ITGA4: variants seen among roughly 807,000 people sequenced by gnomAD.
The protein encoded by ITGA4 is integrin subunit alpha 4, also known as integrin alpha-4.
A neutral mutation model predicts 133.6 loss-of-function variants in ITGA4; 63 were observed. That is an observed-to-expected ratio of 0.47 (90% CI 0.38 to 0.58). The LOEUF is 0.58. ITGA4 is among the 20% of genes least tolerant of loss of function. The pLI is 0.00. For synonymous variants in ITGA4, 483 were observed against 438.0 expected (o/e 1.10, Z -1.28); for missense variants, 1,076 against 1,252.7 (o/e 0.86, Z 2.13).
At chr2:181,485,322 C>G (rs1437765687) in intron 9 of ITGA4, among the ~76,000 whole-genome samples, 2 of 152,154 alleles carry the variant, frequency 1.3e-5, no homozygotes, top group Non-Finnish European at 2.9e-5. Context: ...CTAGTTTTCT[C>G]TGTATATCAA....
At chr2:181,530,701 G>GA in intron 24 of ITGA4, 52 bp downstream of exon 24, 1 of 1,555,824 alleles carries the variant, frequency 6.4e-7, no homozygotes, top group African/African-American at 1.4e-5. Context: ...AGAGAAGTGA[G>GA]ACACTTAAAA....
At chr2:181,502,041 G>A (rs1426914274) in intron 15 of ITGA4, among the ~76,000 whole-genome samples, 5 of 151,238 alleles carry the variant, frequency 3.3e-5, no homozygotes, top group Non-Finnish European at 4.4e-5. Flanking sequence ...GAGATAAGAA[G>A]GTCCAATCAG....
chr2:181,535,306 G>A, intron 27 of ITGA4, 126 bp from the exon 28 acceptor site: 1 of 720,210 alleles, frequency 1.4e-6, no homozygotes, highest in Non-Finnish European at 2.2e-6. Context: ...AAACCTTTAT[G>A]ACTGATGTTA....
intron 2 of ITGA4, among the ~76,000 whole-genome samples, chr2:181,461,223 G>T (rs1276223887): frequency 6.8e-6 from 1 of 147,322 alleles, no homozygotes; most frequent in Non-Finnish European, 1.5e-5. Flanking sequence ...CAGGGTGAGA[G>T]ACGTTAGGCA....
chr2:181,510,567 G>T (rs151151472), intron 16 of ITGA4, among the ~76,000 whole-genome samples: 1 of 152,054 alleles, frequency 6.6e-6, no homozygotes, highest in East Asian at 1.9e-4. Context: ...AAGATGAAAG[G>T]GACATTTAAA....
intron 11 of ITGA4, 130 bp downstream of exon 11, chr2:181,493,549 C>A: frequency 1.9e-6 from 1 of 521,014 alleles, no homozygotes; most frequent in Non-Finnish European, 3.4e-6. Flanking sequence ...TCACCGTTTA[C>A]TTATAGTGGC....
In ITGA4 at chr2:181,509,815, TA is replaced by T. The variant is rs774260253; in HGVS notation, c.1845+9del. The T allele has an allele frequency of 1.3e-6, 2 of 1,584,090 alleles. No homozygotes were observed. Among genetic ancestry groups the T allele is most frequent in the African/African-American group, 2.7e-5 (2 of 73,734 alleles). The stretch of plus-strand genomic sequence containing the variant: ...GACATAATGAAAAAAACAGTAGGAA[TA>T]TTTTCCTTTATTCAAATTATTGTAT... On this transcript the variant is annotated intron_variant, in intron 16 of 27. Coordinates refer to ENST00000397033, the MANE Select transcript of ITGA4 (RefSeq NM_000885.6).
At chr2:181,535,293 G>A (rs1425537614) in intron 27 of ITGA4, 139 bp from the exon 28 acceptor site, 22 of 685,694 alleles carry the variant, frequency 3.2e-5, no homozygotes, top group Non-Finnish European at 5.1e-5. Flanking sequence ...GATTACCTCT[G>A]TTAAACCTTT....
intron 20 of ITGA4, 54 bp downstream of exon 20, chr2:181,524,304 G>T (rs185339832): frequency 4.0e-6 from 4 of 1,002,286 alleles, no homozygotes; most frequent in South Asian, 1.6e-5. Context: ...TATTCTGAGG[G>T]GGGGGAATTA....
In ITGA4 at chr2:181,537,660, T is replaced by TATTTCAGAATTATCTAGGTTAAA. The variant is rs1559064326; in HGVS notation, c.*2134_*2156dup. 1 of 435,000 alleles carries TATTTCAGAATTATCTAGGTTAAA rather than the reference T, an allele frequency of 2.3e-6. No individual in the cohort carries two copies. Among genetic ancestry groups the TATTTCAGAATTATCTAGGTTAAA allele is most frequent in the Non-Finnish European group, 4.5e-6 (1 of 220,340 alleles). The allele number at this position is 435,000 out of a possible 1,614,324, so 26.9% of individuals were successfully genotyped here. A position where few individuals can be genotyped will look rare whatever the true frequency, so the allele number is the denominator to read the frequency against. On this transcript the variant is annotated 3_prime_UTR_variant, in exon 28 of 28. Coordinates refer to ENST00000397033, the MANE Select transcript of ITGA4 (RefSeq NM_000885.6). ...TCCTGAAAAATGAAAGAATCCAAAT[T>TATTTCAGAATTATCTAGGTTAAA]ATTTCAGAATTATCTAGGTTAAATA...
chr2:181,521,913 G>A (rs1240267451), intron 17 of ITGA4, among the ~76,000 whole-genome samples: 16 of 152,136 alleles, frequency 1.1e-4, no homozygotes, highest in Admixed American at 9.8e-4. Context: ...GAAGCAAGAG[G>A]TTATGCAGAA....
At chr2:181,489,600 C>T (rs958146561) in intron 10 of ITGA4, among the ~76,000 whole-genome samples, 1 of 152,090 alleles carries the variant, frequency 6.6e-6, no homozygotes, top group Non-Finnish European at 1.5e-5. Flanking sequence ...ACAAGCTGTA[C>T]TATTATTTTG....
chr2:181,534,771 T>C (rs1471331696), intron 26 of ITGA4, 45 bp from the exon 27 acceptor site: 1 of 1,144,534 alleles, frequency 8.7e-7, no homozygotes, highest in African/African-American at 3.6e-5. Context: ...TTTAAACTGA[T>C]TTTTTTTTTT....
chr2:181,501,623 A>T (rs1686273132), intron 15 of ITGA4, among the ~76,000 whole-genome samples: 1 of 152,144 alleles, frequency 6.6e-6, no homozygotes, highest in African/African-American at 2.4e-5. Context: ...AGTTGAAGTC[A>T]ATTTGCTGAC....
intron 17 of ITGA4, among the ~76,000 whole-genome samples, chr2:181,519,286 CAAG>C (rs1364271063): frequency 6.6e-6 from 1 of 151,862 alleles, no homozygotes; most frequent in African/African-American, 2.4e-5. Flanking sequence ...TATTAAAAAT[CAAG>C]GAGGGTGAGG....
chr2:181,502,626 T>G (rs1686300490), intron 15 of ITGA4, among the ~76,000 whole-genome samples: 1 of 152,106 alleles, frequency 6.6e-6, no homozygotes, highest in Non-Finnish European at 1.5e-5. Flanking sequence ...TTTAATAATC[T>G]CAGTGAACTA....
intron 4 of ITGA4, among the ~76,000 whole-genome samples, chr2:181,476,740 G>A (rs1304789098): frequency 6.6e-6 from 1 of 152,076 alleles, no homozygotes; most frequent in Non-Finnish European, 1.5e-5. Context: ...ATGTTGGATT[G>A]GATAAAGAAA....
rs747368642 is a variant in ITGA4, at chr2:181,534,311, G to C, written c.2824G>C (p.Gly942Arg). The C allele has an allele frequency of 6.2e-7, 1 of 1,611,760 alleles. No individual in the cohort carries two copies. Among genetic ancestry groups the C allele is most frequent in the East Asian group, 2.2e-5 (1 of 44,762 alleles). Residue 942 changes from glycine to arginine, a missense_variant, in exon 26 of 28, where the codon GGT becomes CGT. Gly to Arg is a moderately radical substitution (Grantham distance 125, BLOSUM62 -2). Transcript: ENST00000397033. ...ACTCAAGTTTGAAATAAGAGCAACA[G>C]GTTTTCCAGAGCCAAATCCAAGAGT... ...SALKFEIRAT[G>R]FPEPNPRVIE...
At chr2:181,490,565 G>A (rs1374432151) in intron 10 of ITGA4, among the ~76,000 whole-genome samples, 2 of 151,254 alleles carry the variant, frequency 1.3e-5, no homozygotes, top group African/African-American at 4.9e-5. Flanking sequence ...CACAGAACAG[G>A]AATTGGTATT....
Sources: gnomAD v4.1 joint callset for allele counts (sites outside exome capture counted in the v4.1 genomes callset) on GRCh38, gnomAD v4.1.1 for gene constraint, MANE v1.5 for transcripts, NCBI Gene and HGNC (gene_info 2026-07-23, HGNC 2026-07-21) for gene names.